PCDH15: variants seen among roughly 807,000 people sequenced by gnomAD.
The protein encoded by PCDH15 is protocadherin related 15.
In PCDH15, 129 loss-of-function variants were observed where a neutral mutation model predicts 178.5. The observed-to-expected ratio is 0.72, with a 90% CI of 0.63 to 0.84. The LOEUF (loss-of-function observed/expected upper bound fraction) is 0.84, where lower values mean the gene tolerates loss of function less well. PCDH15 is among the 40% of genes least tolerant of loss of function. PCDH15 has a pLI of 0.00. For synonymous variants in PCDH15, 800 were observed against 732.0 expected, an observed-to-expected ratio of 1.09 and a Z score of -1.50; for missense variants, 2,230 against 2,099.9, an observed-to-expected ratio of 1.06 and a Z score of -1.21.
At chr10:54,100,860 T>A (rs565840628) in intron 15 of PCDH15, among the ~76,000 whole-genome samples, 4 of 152,074 alleles carry the variant, frequency 2.6e-5, no homozygotes, top group African/African-American at 9.6e-5. Context: ...TATTCTTAGA[T>A]ACAAAAATTT....
Position 54,161,057 on chromosome 10 carries a change from T to C in PCDH15, c.1591-7764A>G, listed in dbSNP as rs570275223. On this transcript the variant is annotated intron_variant, in intron 13 of 37. Transcript: ENST00000644397. ...AGAAAAATAAACATATATGTGTATA[T>C]ATATGTGTGTGTATATATATTTACA... is the stretch of plus-strand genomic sequence containing the variant. 2.6e-5 allele frequency among the ~76,000 whole-genome samples: 4 copies of C among 152,294 alleles called. 1 individual carries two copies. In the South Asian group the frequency reaches 6.2e-4, roughly 24 times the overall value.
At chr10:55,143,966 T>G (rs1838424081) in intron 2 of PCDH15, among the ~76,000 whole-genome samples, 1 of 151,740 alleles carries the variant, frequency 6.6e-6, no homozygotes, top group African/African-American at 2.4e-5. Context: ...CTGAAACAAA[T>G]TTTCATTAGG....
intron 2 of PCDH15, among the ~76,000 whole-genome samples, chr10:55,549,305 A>G (rs1350132238): frequency 6.6e-6 from 1 of 152,310 alleles, no homozygotes; most frequent in East Asian, 1.9e-4. Flanking sequence ...AGTTAATTTA[A>G]CATTGATTAC....
chr10:53,950,575 A>G (rs928702975), intron 23 of PCDH15, among the ~76,000 whole-genome samples: 4 of 152,190 alleles, frequency 2.6e-5, no homozygotes, highest in African/African-American at 4.8e-5. Flanking sequence ...TTTAGACTCT[A>G]TGATCTATTC....
chr10:54,851,283 A>G (rs1292710332), intron 3 of PCDH15, among the ~76,000 whole-genome samples: 1 of 152,120 alleles, frequency 6.6e-6, no homozygotes, highest in African/African-American at 2.4e-5. Flanking sequence ...GGAAGTTTTA[A>G]AAAAATTAGT....
chr10:55,235,695 T>C lies in PCDH15; in HGVS notation c.-155-69044A>G, dbSNP rs866810837. On this transcript the variant is annotated intron_variant, in intron 1 of 5. Transcript: ENST00000458638. ...GCCGAGGTGGGTGGATCACCTGAGG[T>C]CAAAAGTTCCAGACCAGCCTGACCT... Among the ~76,000 whole-genome samples, 33 of 151,880 alleles carry C rather than the reference T, an allele frequency of 2.2e-4. 2 individuals are homozygous for C. The highest frequency in any genetic ancestry group is 7.7e-4 in the African/African-American group (32 of 41,374).
At chr10:55,254,643 T>G (rs1219691610) in intron 1 of PCDH15, among the ~76,000 whole-genome samples, 1 of 152,120 alleles carries the variant, frequency 6.6e-6, no homozygotes, top group Non-Finnish European at 1.5e-5. Flanking sequence ...AAATTTAATC[T>G]TACCTACAAA....
intron 8 of PCDH15, among the ~76,000 whole-genome samples, chr10:54,288,665 C>T (rs1317962744): frequency 2.0e-5 from 3 of 152,230 alleles, no homozygotes; most frequent in African/African-American, 2.4e-5. Flanking sequence ...CGCCCAAATA[C>T]TGTGCTTTTC....
intron 27 of PCDH15, among the ~76,000 whole-genome samples, chr10:53,862,723 C>A (rs1381986936): frequency 1.3e-5 from 2 of 152,140 alleles, no homozygotes; most frequent in Non-Finnish European, 2.9e-5. Context: ...GTTGCTCTTT[C>A]ATATAAAAAT....
intron 2 of PCDH15, among the ~76,000 whole-genome samples, chr10:55,338,542 C>T (rs1013958899): frequency 2.6e-5 from 4 of 152,086 alleles, no homozygotes; most frequent in Non-Finnish European, 5.9e-5. Flanking sequence ...CCAAGACAGG[C>T]GGATCACTTG....
chr10:55,159,312 T>A (rs1177403250), intron 2 of PCDH15, among the ~76,000 whole-genome samples: 1 of 148,540 alleles, frequency 6.7e-6, no homozygotes, highest in Non-Finnish European at 1.5e-5. Flanking sequence ...ATATATCTCT[T>A]CAAATTTCCT....
intron 2 of PCDH15, among the ~76,000 whole-genome samples, chr10:55,085,724 A>G (rs1297924160): frequency 1.3e-5 from 2 of 151,916 alleles, no homozygotes; most frequent in South Asian, 4.1e-4. Flanking sequence ...AAATTAAGTG[A>G]ATAACAAATT....
rs551860788 is a variant in PCDH15, at chr10:54,040,720, T to C, written c.2221-17523A>G. Among the ~76,000 whole-genome samples, 12 of 152,116 alleles carry C rather than the reference T, an allele frequency of 7.9e-5. No homozygotes were observed. The East Asian group carries it at 2.1e-3, about 27-fold the overall frequency. ...AAGCATGGCCTGTCAGTGTGCACCATACATTTCAGAGACATGATGAAAAAA... is the reference window on the plus strand; with the variant it reads ...AAGCATGGCCTGTCAGTGTGCACCACACATTTCAGAGACATGATGAAAAAA... On this transcript the variant is annotated intron_variant, in intron 18 of 37. Transcript: ENST00000644397.
At chr10:53,865,332 G>C (rs1564636405) in intron 27 of PCDH15, among the ~76,000 whole-genome samples, 1 of 152,156 alleles carries the variant, frequency 6.6e-6, no homozygotes, top group Non-Finnish European at 1.5e-5. Flanking sequence ...GAGAACATGA[G>C]AGGTTCTCAT....
At chr10:54,578,552 C>T (rs7067569) in intron 2 of PCDH15, among the ~76,000 whole-genome samples, 115,480 of 151,926 alleles carry the variant, frequency 0.76, 44,190 homozygotes, top group East Asian at 0.84. Flanking sequence ...AAATAAGATA[C>T]TATTTTGTTT....
intron 2 of PCDH15, among the ~76,000 whole-genome samples, chr10:55,586,050 T>C (rs1047708762): frequency 6.6e-6 from 1 of 152,188 alleles, no homozygotes; most frequent in Non-Finnish European, 1.5e-5. Context: ...ATCACCATCA[T>C]CAAATAGTAA....
rs148303447 is a variant in PCDH15, at chr10:54,861,850, A to G, written c.-29+35600T>C. ...TCTATCACAACTTTAAAAATACATAAACAAATACTCTTTGTAGTTGCTTCT... is the reference window on the plus strand; with the variant it reads ...TCTATCACAACTTTAAAAATACATAGACAAATACTCTTTGTAGTTGCTTCT... On this transcript the variant is annotated intron_variant, in intron 3 of 5. Coordinates refer to the PCDH15 transcript ENST00000458638. 5.3e-3 allele frequency among the ~76,000 whole-genome samples: 813 copies of G among 152,314 alleles called. 5 individuals carry two copies. Among genetic ancestry groups the G allele is most frequent in the Non-Finnish European group, 8.7e-3 (592 of 68,028 alleles).
In PCDH15 at chr10:53,803,079, A is replaced by G. The variant is rs565570787; in HGVS notation, c.*3500T>C. 8.0e-4 allele frequency: 122 copies of G among 152,072 alleles called. 1 individual carries two copies. Among genetic ancestry groups the G allele is most frequent in the African/African-American group, 2.7e-3 (111 of 41,554 alleles). The allele number at this position is 152,072 out of a possible 1,614,324, so 9.4% of individuals were successfully genotyped here. ...AAATTAACTATTGAAAACCAATAAA[A>G]AAAATAGAACAAAAATTTCACATAC... On this transcript the variant is annotated 3_prime_UTR_variant, in exon 38 of 38. Transcript: ENST00000644397.
intron 3 of PCDH15, among the ~76,000 whole-genome samples, chr10:54,495,217 A>G (rs2079999112): frequency 6.6e-6 from 1 of 152,112 alleles, no homozygotes; most frequent in South Asian, 2.1e-4. Flanking sequence ...AAATTTAGAG[A>G]TGATTTTATG....
Sources: allele counts gnomAD v4.1 joint callset (sites outside exome capture counted in the v4.1 genomes callset), GRCh38; gene constraint gnomAD v4.1.1; transcripts MANE v1.5; gene names NCBI Gene and HGNC (gene_info 2026-07-23, HGNC 2026-07-21).